The following SLC25A42 variants were observed in gnomAD, a reference collection of about 807,000 sequenced individuals.
SLC25A42 encodes the protein solute carrier family 25 member 42.
Under a neutral mutation model 34.7 loss-of-function variants are expected in SLC25A42, and 19 were observed. The observed-to-expected ratio is 0.55, with a 90% CI of 0.38 to 0.80. The LOEUF (loss-of-function observed/expected upper bound fraction) is 0.80. Ranked by LOEUF, SLC25A42 falls within the 30% of genes least tolerant of loss-of-function variation. The pLI is 0.00. For missense variants in SLC25A42, 364 were observed against 441.3 expected (o/e 0.82, Z 1.57); for synonymous variants, 205 against 191.2 (o/e 1.07, Z -0.59).
chr19:19,106,228 C>T (rs1737767567), intron 5 of SLC25A42, 41 bp from the exon 6 acceptor site: 1 of 1,550,876 alleles, frequency 6.4e-7, no homozygotes, highest in African/African-American at 1.4e-5. Context: ...CATCTGCAAC[C>T]CCCTCACTGC....
At position 19,112,071 on chromosome 19, in the gene SLC25A42, G is replaced by C. The variant is rs764856890; in HGVS notation, c.*1195G>C. The C allele has an allele frequency of 1.3e-5, 2 of 152,276 alleles. No individual in the cohort carries two copies. Among genetic ancestry groups the C allele is most frequent in the Non-Finnish European group, 2.9e-5 (2 of 68,096 alleles). 9.4% of individuals were successfully genotyped at this position (152,276 alleles called of 1,614,324 possible). A position where few individuals can be genotyped will look rare whatever the true frequency, so the allele number is the denominator to read the frequency against. ...CACCCATTTCCTAATGACATGGTGAGTTTCTTGATTTCTTTTTTTTGTTTG... is the reference window on the plus strand; with the variant it reads ...CACCCATTTCCTAATGACATGGTGACTTTCTTGATTTCTTTTTTTTGTTTG... On this transcript the variant is annotated 3_prime_UTR_variant, in exon 8 of 8. Transcript: ENST00000318596. This position sits in a 1 kb window ranked among gnomAD's most constrained non-coding sequence, Gnocchi z 4.3.
chr19:19,100,444 TCTC>T (rs2059789673), intron 2 of SLC25A42, among the ~76,000 whole-genome samples: 1 of 152,096 alleles, frequency 6.6e-6, no homozygotes, highest in South Asian at 2.1e-4. Flanking sequence ...TCCTTTCTCT[TCTC>T]TGGGCCCCCT....
chr19:19,110,914 C>T lies in SLC25A42; in HGVS notation c.*38C>T. 1 of 1,608,676 alleles carries T rather than the reference C, an allele frequency of 6.2e-7. No homozygotes were observed. ...TGCTCTCAGGACGGTGGACCGGTGA[C>T]CCCTTTGTATTCTGGGCCCATGGAA... On this transcript the variant is annotated 3_prime_UTR_variant, in exon 8 of 8. Coordinates refer to ENST00000318596, the MANE Select transcript of SLC25A42 (RefSeq NM_178526.5).
At chr19:19,097,569 T>C (rs2059772427) in intron 2 of SLC25A42, among the ~76,000 whole-genome samples, 1 of 152,182 alleles carries the variant, frequency 6.6e-6, no homozygotes, top group African/African-American at 2.4e-5. Context: ...ATGCCCATTC[T>C]CCTCTGTACT....
At chr19:19,070,295 A>ATTTT (rs11390931) in intron 1 of SLC25A42, among the ~76,000 whole-genome samples, 1 of 104,786 alleles carries the variant, frequency 9.5e-6, no homozygotes, top group Non-Finnish European at 1.9e-5. Flanking sequence ...CTGCCTGGCC[A>ATTTT]TTTTTTTTTT....
At chr19:19,074,929 CT>C (rs2059648892) in intron 1 of SLC25A42, among the ~76,000 whole-genome samples, 1 of 152,056 alleles carries the variant, frequency 6.6e-6, no homozygotes, top group South Asian at 2.1e-4. Context: ...GGCAGGTCGA[CT>C]GCTTGAGGCC....
At chr19:19,069,433 G>C (rs1397240370) in intron 1 of SLC25A42, among the ~76,000 whole-genome samples, 1 of 152,188 alleles carries the variant, frequency 6.6e-6, no homozygotes, top group African/African-American at 2.4e-5. Flanking sequence ...ACAAACTGGG[G>C]GGCTTCAGAC....
chr19:19,078,841 A>G (rs2059667619), intron 1 of SLC25A42, among the ~76,000 whole-genome samples: 2 of 151,698 alleles, frequency 1.3e-5, no homozygotes, highest in South Asian at 4.2e-4. Context: ...CATAACTTGA[A>G]AGTTACCATT....
At chr19:19,084,534 G>A (rs7256648) in intron 1 of SLC25A42, among the ~76,000 whole-genome samples, 3 of 152,080 alleles carry the variant, frequency 2.0e-5, no homozygotes, top group Admixed American at 2.0e-4. Context: ...ATAAATGGGG[G>A]AGGAGAGACA....
chr19:19,079,925 T>C (rs1413871612), intron 1 of SLC25A42, among the ~76,000 whole-genome samples: 1 of 152,206 alleles, frequency 6.6e-6, no homozygotes, highest in African/African-American at 2.4e-5. Context: ...GTGGAATTGC[T>C]GGGCCACAAT....
At chr19:19,066,437 T>A (rs1290633414) in intron 1 of SLC25A42, among the ~76,000 whole-genome samples, 1 of 136,622 alleles carries the variant, frequency 7.3e-6, no homozygotes, top group Non-Finnish European at 1.5e-5. Flanking sequence ...CTGCAGCCCA[T>A]ATTTTTTTTT....
At chr19:19,078,300 C>G (rs1375920433) in intron 1 of SLC25A42, among the ~76,000 whole-genome samples, 1 of 152,180 alleles carries the variant, frequency 6.6e-6, no homozygotes, top group Non-Finnish European at 1.5e-5. Context: ...CAATGGCCCA[C>G]TTGCATTCAG....
chr19:19,094,671 C>T (rs187665943), intron 1 of SLC25A42, among the ~76,000 whole-genome samples: 1 of 152,342 alleles, frequency 6.6e-6, no homozygotes, highest in East Asian at 1.9e-4. Flanking sequence ...CTCACCGGCA[C>T]TGATGCCTGC....
intron 1 of SLC25A42, among the ~76,000 whole-genome samples, chr19:19,078,246 T>C (rs1350971980): frequency 2.6e-5 from 4 of 152,082 alleles, no homozygotes; most frequent in Non-Finnish European, 4.4e-5. Flanking sequence ...CCAGCCGGCA[T>C]TGGGCGGTGG....
chr19:19,066,964 C>G (rs2059605845), intron 1 of SLC25A42, among the ~76,000 whole-genome samples: 1 of 144,660 alleles, frequency 6.9e-6, no homozygotes, highest in Non-Finnish European at 1.5e-5. Context: ...CTGCAGTGAG[C>G]TATAATCATG....
chr19:19,072,634 C>T (rs985443734), intron 1 of SLC25A42, among the ~76,000 whole-genome samples: 5 of 152,042 alleles, frequency 3.3e-5, no homozygotes, highest in African/African-American at 1.2e-4. Flanking sequence ...CTGCCCGCCT[C>T]GGCCTCCCAA....
In SLC25A42 at chr19:19,081,951, C is replaced by T. The variant is rs983252454; in HGVS notation, c.-34-14140C>T. On this transcript the variant is annotated intron_variant, in intron 1 of 7. Coordinates refer to ENST00000318596, the MANE Select transcript of SLC25A42 (RefSeq NM_178526.5). The surrounding 1 kb of genome is among the most constrained non-coding windows in gnomAD (Gnocchi z 4.5). ...CCGACCTGATCACCTGGTCACTGGT[C>T]GCAAGTCTGGGTACACGTTGTCATG... Among the ~76,000 whole-genome samples the T allele has an allele frequency of 4.6e-5, 7 of 152,160 alleles. No homozygotes were observed. Among genetic ancestry groups the T allele is most frequent in the Admixed American group, 3.3e-4 (5 of 15,274 alleles).
Position 19,070,450 on chromosome 19 carries a change from AC to A in SLC25A42, c.-35+6337del, listed in dbSNP as rs2059624156. Reference sequence around the variant, plus strand: ...GTAGCTAGGATTACAGGTGCGCACCACCGCATCCAGCTAATTTTTGTATTTT... The same window carrying A: ...GTAGCTAGGATTACAGGTGCGCACCACGCATCCAGCTAATTTTTGTATTTT... On this transcript the variant is annotated intron_variant, in intron 1 of 7. Transcript: ENST00000318596. 2.0e-5 allele frequency among the ~76,000 whole-genome samples: 3 copies of A among 151,736 alleles called. No individual in the cohort carries two copies. In the South Asian group the frequency reaches 6.2e-4, roughly 31 times the overall value.
chr19:19,101,804 C>T lies in SLC25A42; in HGVS notation c.105C>T (p.Ser35=), dbSNP rs2059797899. ...SSKRDHRQVL[S]SLLSGALAGA... ...AGCGTGACCACAGGCAAGTGCTCAG[C>T]TCCCTGCTGTCTGGGGCCCTGGCTG... is the stretch of plus-strand genomic sequence containing the variant. The change falls in exon 3 of 8, where the codon AGC becomes AGT. Residue 35 remains serine, a synonymous_variant. Coordinates refer to ENST00000318596, the MANE Select transcript of SLC25A42 (RefSeq NM_178526.5). 4.3e-6 allele frequency: 7 copies of T among 1,613,586 alleles called. No individual in the cohort carries two copies. Among genetic ancestry groups the T allele is most frequent in the African/African-American group, 1.3e-5 (1 of 74,916 alleles).
Sources: gnomAD v4.1 joint callset for allele counts (sites outside exome capture counted in the v4.1 genomes callset) on GRCh38, gnomAD v4.1.1 for gene constraint, Gnocchi (gnomAD v3.1) non-coding constraint, MANE v1.5 for transcripts, NCBI Gene and HGNC (gene_info 2026-07-23, HGNC 2026-07-21) for gene names.